CSMD1: variants seen among roughly 807,000 people sequenced by gnomAD.
The protein encoded by CSMD1 is CUB and sushi domain-containing protein 1.
In CSMD1, 213 loss-of-function variants were observed where a neutral mutation model predicts 417.5. The ratio of observed to expected loss-of-function variants is 0.51; its 90% CI spans 0.46 to 0.57. The LOEUF is 0.57. CSMD1 is among the 20% of genes least tolerant of loss of function. CSMD1 has a pLI of 0.00. For synonymous variants in CSMD1, 2,862 were observed against 1,736.8 expected (o/e 1.65, Z -16.11); for missense variants, 6,923 against 4,529.7 (o/e 1.53, Z -15.17).
At chr8:3,432,250 A>G (rs1041634490) in intron 12 of CSMD1, among the ~76,000 whole-genome samples, 1 of 152,164 alleles carries the variant, frequency 6.6e-6, no homozygotes, top group African/African-American at 2.4e-5. Context: ...CTTTTAAATA[A>G]ATAGATTTTT....
At chr8:4,358,453 G>C (rs551166816) in intron 3 of CSMD1, among the ~76,000 whole-genome samples, 22 of 152,280 alleles carry the variant, frequency 1.4e-4, no homozygotes, top group African/African-American at 4.3e-4. Flanking sequence ...CAGTCGGCCT[G>C]GGGGGAGCTG....
At chr8:4,455,663 G>A (rs972497939) in intron 2 of CSMD1, among the ~76,000 whole-genome samples, 2 of 151,770 alleles carry the variant, frequency 1.3e-5, no homozygotes, top group Admixed American at 6.6e-5. Flanking sequence ...AGATACAGTG[G>A]CTCACCCCTG....
chr8:4,827,378 G>T (rs770349415), intron 1 of CSMD1, among the ~76,000 whole-genome samples: 4 of 152,106 alleles, frequency 2.6e-5, no homozygotes, highest in Non-Finnish European at 5.9e-5. Context: ...GCGGCTGCTC[G>T]AGTTACCTTC....
intron 3 of CSMD1, among the ~76,000 whole-genome samples, chr8:4,073,929 G>A (rs1010286652): frequency 1.3e-5 from 2 of 151,968 alleles, no homozygotes; most frequent in Admixed American, 6.6e-5. Flanking sequence ...CTATACAGAC[G>A]GTTTTTGACG....
chr8:3,220,346 C>T (rs1269859931), intron 28 of CSMD1, among the ~76,000 whole-genome samples: 2 of 152,116 alleles, frequency 1.3e-5, no homozygotes, highest in African/African-American at 4.8e-5. Context: ...AACATACAGT[C>T]AGTCCCCAAA....
rs547736583 is a variant in CSMD1 at position 4,798,362 on chromosome 8, T to C, written c.86-160804A>G. ...GAACTCATCCTTTTTTATGGCTGCA[T>C]AGTATTCCATGGTGTATATGTGCAT... On this transcript the variant is annotated intron_variant, in intron 1 of 69. Transcript: ENST00000635120. 7.2e-5 allele frequency among the ~76,000 whole-genome samples: 11 copies of C among 152,348 alleles called. No individual in the cohort carries two copies. The South Asian group carries it at 2.1e-3, about 29-fold the overall frequency.
intron 49 of CSMD1, among the ~76,000 whole-genome samples, chr8:3,076,300 C>T (rs1176347462): frequency 1.3e-5 from 1 of 74,290 alleles, no homozygotes; most frequent in Non-Finnish European, 2.8e-5. Context: ...GCACCTCTGT[C>T]TCTGCAGGCT....
chr8:3,342,643 A>G (rs992787216), intron 23 of CSMD1, among the ~76,000 whole-genome samples: 42 of 152,192 alleles, frequency 2.8e-4, no homozygotes, highest in African/African-American at 9.6e-4. Context: ...CTTCATTTAC[A>G]TCTTTAAAAA....
chr8:3,988,310 C>T (rs532853865), intron 5 of CSMD1, among the ~76,000 whole-genome samples: 59 of 152,258 alleles, frequency 3.9e-4, no homozygotes, highest in Middle Eastern at 3.4e-3. Context: ...TCAACAGAGA[C>T]AAAAGAGCTT....
chr8:3,345,925 A>G (rs947452887), intron 22 of CSMD1, among the ~76,000 whole-genome samples: 6 of 152,276 alleles, frequency 3.9e-5, no homozygotes, highest in South Asian at 2.1e-4. Flanking sequence ...TGAGAGCTCG[A>G]TATCTCTTAC....
intron 3 of CSMD1, among the ~76,000 whole-genome samples, chr8:4,130,523 T>A (rs1411103051): frequency 6.6e-6 from 1 of 152,202 alleles, no homozygotes; most frequent in East Asian, 1.9e-4. Context: ...TCTGAAGTTT[T>A]GCATTAGGAT....
rs1585441163 is a variant in CSMD1 at position 4,155,954 on chromosome 8, T to C, written c.416-123855A>G. Among the ~76,000 whole-genome samples, 4 of 152,246 alleles carry C rather than the reference T, an allele frequency of 2.6e-5. No individual in the cohort carries two copies. The South Asian group carries it at 8.3e-4, about 32-fold the overall frequency. On this transcript the variant is annotated intron_variant, in intron 3 of 69. Coordinates refer to ENST00000635120, the MANE Select transcript of CSMD1 (RefSeq NM_033225.6). Reference sequence around the variant, plus strand: ...GCCCAGGTGTTCTGCAGCTGCACATTTTAATCATCAAGTCACCAAAGTCTG... The same window carrying C: ...GCCCAGGTGTTCTGCAGCTGCACATCTTAATCATCAAGTCACCAAAGTCTG...
rs1563151482 is a variant in CSMD1, at chr8:3,558,032, AGAAGTAACCCGTGTCCACTCCTCTG to A, written c.1344+16888_1344+16912del. Among the ~76,000 whole-genome samples, 333 of 151,388 alleles carry A rather than the reference AGAAGTAACCCGTGTCCACTCCTCTG, an allele frequency of 2.2e-3. 1 individual carries two copies. Among genetic ancestry groups the A allele is most frequent in the African/African-American group, 7.7e-3 (315 of 40,950 alleles). ...CTCCTCCAATGATGAATGGTGCCTCAGAAGTAACCCGTGTCCACTCCTCTGATGATGAATAGTGCCTCAATAGTAC... is the reference window on the plus strand; with the variant it reads ...CTCCTCCAATGATGAATGGTGCCTCAATGATGAATAGTGCCTCAATAGTAC... On this transcript the variant is annotated intron_variant, in intron 10 of 69. Transcript: ENST00000635120.
intron 3 of CSMD1, among the ~76,000 whole-genome samples, chr8:4,139,266 A>G (rs868555339): frequency 6.6e-6 from 1 of 152,192 alleles, no homozygotes. Flanking sequence ...CATCAGTGTA[A>G]AGTGTTGCAT....
chr8:4,077,859 T>G (rs532495402), intron 3 of CSMD1, among the ~76,000 whole-genome samples: 1 of 152,270 alleles, frequency 6.6e-6, no homozygotes, highest in South Asian at 2.1e-4. Context: ...ATATGCCTCC[T>G]TCCTTTCTCT....
intron 50 of CSMD1, 74 bp downstream of exon 50, chr8:3,052,388 A>G: frequency 8.2e-7 from 1 of 1,217,480 alleles, no homozygotes. Context: ...GAACGTGGGA[A>G]CCCGGACTTC....
chr8:4,232,321 C>G (rs879864950), intron 3 of CSMD1, among the ~76,000 whole-genome samples: 1 of 152,130 alleles, frequency 6.6e-6, no homozygotes, highest in Non-Finnish European at 1.5e-5. Flanking sequence ...GTCTCAGCCT[C>G]CCTAGTACCT....
At chr8:3,567,704 C>A (rs1227807323) in intron 10 of CSMD1, among the ~76,000 whole-genome samples, 3 of 152,054 alleles carry the variant, frequency 2.0e-5, no homozygotes, top group Non-Finnish European at 4.4e-5. Context: ...TGGTTATTTC[C>A]CCTCTCTGAA....
At chr8:3,732,797 C>G (rs1458339266) in intron 6 of CSMD1, among the ~76,000 whole-genome samples, 1 of 152,142 alleles carries the variant, frequency 6.6e-6, no homozygotes, top group Non-Finnish European at 1.5e-5. Flanking sequence ...CTGAGTGATT[C>G]CGTTTCACCT....
Sources: allele counts gnomAD v4.1 joint callset (sites outside exome capture counted in the v4.1 genomes callset), GRCh38; gene constraint gnomAD v4.1.1; transcripts MANE v1.5; gene names NCBI Gene and HGNC (gene_info 2026-07-23, HGNC 2026-07-21).